CACNA2D3: variants seen among roughly 807,000 people sequenced by gnomAD.
CACNA2D3 encodes the protein voltage-dependent calcium channel subunit alpha-2/delta-3.
In CACNA2D3, 60 loss-of-function variants were observed where a neutral mutation model predicts 160.6. The ratio of observed to expected loss-of-function variants is 0.37; its 90% CI spans 0.30 to 0.46. The LOEUF is 0.46. CACNA2D3 is among the 20% of genes least tolerant of loss of function. CACNA2D3 has a pLI of 1.00. For synonymous variants in CACNA2D3, 558 were observed against 492.9 expected (o/e 1.13, Z -1.75); for missense variants, 1,205 against 1,365.0 (o/e 0.88, Z 1.85).
chr3:54,562,307 A>T (rs1322322155), intron 5 of CACNA2D3, among the ~76,000 whole-genome samples: 1 of 152,178 alleles, frequency 6.6e-6, no homozygotes, highest in African/African-American at 2.4e-5. Flanking sequence ...TGTAATTTCA[A>T]TTTATTTATT....
At chr3:54,692,778 G>T (rs1377913915) in intron 11 of CACNA2D3, among the ~76,000 whole-genome samples, 1 of 152,190 alleles carries the variant, frequency 6.6e-6, no homozygotes, top group African/African-American at 2.4e-5. Context: ...AGATGTGTGT[G>T]TCTCTAGCAG....
intron 11 of CACNA2D3, among the ~76,000 whole-genome samples, chr3:54,680,518 G>A (rs1429131430): frequency 6.6e-6 from 1 of 152,116 alleles, no homozygotes; most frequent in Non-Finnish European, 1.5e-5. Context: ...ATTCTGTCTG[G>A]GTATCCTCAG....
intron 29 of CACNA2D3, among the ~76,000 whole-genome samples, chr3:54,971,986 A>G (rs1403576833): frequency 6.6e-6 from 1 of 150,644 alleles, no homozygotes; most frequent in African/African-American, 2.5e-5. Flanking sequence ...AGCATTCAAT[A>G]AATGTTGTTT....
chr3:54,514,370 A>C (rs1387058907), intron 5 of CACNA2D3, among the ~76,000 whole-genome samples: 4 of 152,168 alleles, frequency 2.6e-5, no homozygotes, highest in Non-Finnish European at 5.9e-5. Flanking sequence ...TGTGTTTAGG[A>C]GAAGTGAATT....
At chr3:54,269,412 T>C (rs1012983741) in intron 2 of CACNA2D3, among the ~76,000 whole-genome samples, 22 of 152,320 alleles carry the variant, frequency 1.4e-4, no homozygotes, top group African/African-American at 5.3e-4. Flanking sequence ...CCTGTCTTCC[T>C]GTGTTTTAAT....
intron 27 of CACNA2D3, chr3:54,927,838 C>A: frequency 6.5e-7 from 1 of 1,550,070 alleles, no homozygotes; most frequent in Non-Finnish European, 8.9e-7. Flanking sequence ...CCGCAGATAC[C>A]TTTGTGAGGG....
chr3:54,774,657 T>C (rs1575469424), intron 13 of CACNA2D3, among the ~76,000 whole-genome samples: 1 of 104,936 alleles, frequency 9.5e-6, no homozygotes, highest in East Asian at 2.4e-4. Flanking sequence ...TTTTTTGAAA[T>C]GGAGTCTCAC....
intron 2 of CACNA2D3, among the ~76,000 whole-genome samples, chr3:54,306,729 A>G (rs920771342): frequency 2.0e-5 from 3 of 152,156 alleles, no homozygotes; most frequent in Admixed American, 1.3e-4. Context: ...GCCTGATTGG[A>G]GGCTGAGTGT....
chr3:54,717,724 C>CGGTGTGTGTGTGCATGTGT, intron 11 of CACNA2D3, among the ~76,000 whole-genome samples: 1 of 83,644 alleles, frequency 1.2e-5, no homozygotes, highest in South Asian at 4.3e-4. Context: ...TGTGCGTGTG[C>CGGTGTGTGTGTGCATGTGT]GGTGTGTGTG....
chr3:54,283,652 A>G (rs941206600), intron 2 of CACNA2D3, among the ~76,000 whole-genome samples: 7 of 152,192 alleles, frequency 4.6e-5, no homozygotes, highest in African/African-American at 1.4e-4. Flanking sequence ...GTGTGTGTGT[A>G]ATTGCACAAG....
At chr3:54,654,414 C>T (rs941225006) in intron 11 of CACNA2D3, among the ~76,000 whole-genome samples, 1 of 151,964 alleles carries the variant, frequency 6.6e-6, no homozygotes, top group Non-Finnish European at 1.5e-5. Flanking sequence ...CAGGCATCTA[C>T]CAGTTATTTG....
intron 4 of CACNA2D3, among the ~76,000 whole-genome samples, chr3:54,436,655 C>G (rs1284269368): frequency 6.6e-6 from 1 of 152,178 alleles, no homozygotes; most frequent in Non-Finnish European, 1.5e-5. Flanking sequence ...TGGAAGCCAT[C>G]ATTCTCAGCA....
At chr3:54,952,683 T>G (rs1224620124) in intron 27 of CACNA2D3, among the ~76,000 whole-genome samples, 1 of 152,198 alleles carries the variant, frequency 6.6e-6, no homozygotes, top group African/African-American at 2.4e-5. Context: ...GTTCATGGGT[T>G]CAAATTCTGG....
chr3:54,441,726 C>T (rs1244594202), intron 4 of CACNA2D3, among the ~76,000 whole-genome samples: 1 of 152,138 alleles, frequency 6.6e-6, no homozygotes, highest in African/African-American at 2.4e-5. Flanking sequence ...CAAATGTGTT[C>T]TAGTTCAATT....
intron 4 of CACNA2D3, among the ~76,000 whole-genome samples, chr3:54,462,721 C>T (rs1700530626): frequency 2.0e-5 from 3 of 152,148 alleles, no homozygotes; most frequent in Admixed American, 6.5e-5. Flanking sequence ...GGTCTTGACT[C>T]TTTATCCAAT....
At chr3:54,581,743 T>C (rs1457592173) in intron 8 of CACNA2D3, 60 bp from the exon 9 acceptor site, 41 of 1,382,820 alleles carry the variant, frequency 3.0e-5, no homozygotes, top group Non-Finnish European at 2.1e-5. Context: ...CCTTAAATTA[T>C]TAAGAAGTAC....
intron 4 of CACNA2D3, among the ~76,000 whole-genome samples, chr3:54,457,008 T>C (rs1189224047): frequency 6.6e-6 from 1 of 151,938 alleles, no homozygotes. Flanking sequence ...CCTAATGGTT[T>C]ATTAATTTTG....
chr3:54,979,214 G>A (rs1363987428), intron 29 of CACNA2D3, among the ~76,000 whole-genome samples: 1 of 152,072 alleles, frequency 6.6e-6, no homozygotes, highest in Non-Finnish European at 1.5e-5. Context: ...CTTACCACAG[G>A]TCAGGAACCC....
At position 54,501,778 on chromosome 3, in the gene CACNA2D3, C is replaced by T. The variant is rs145015931; in HGVS notation, c.382-1714C>T. On this transcript the variant is annotated intron_variant, in intron 4 of 37. Transcript: ENST00000474759. ...TTCTAAACTATATCATTTTGCTTCT[C>T]TCTTAAGAACTTTTAACAATTCTTG... Among the ~76,000 whole-genome samples, 560 of 152,252 alleles carry T rather than the reference C, an allele frequency of 3.7e-3. 2 individuals carry two copies. The highest frequency in any genetic ancestry group is 0.013 in the African/African-American group (534 of 41,568).
Sources: allele counts gnomAD v4.1 joint callset (sites outside exome capture counted in the v4.1 genomes callset), GRCh38; gene constraint gnomAD v4.1.1; transcripts MANE v1.5; gene names NCBI Gene and HGNC (gene_info 2026-07-23, HGNC 2026-07-21).